Variants in NID2 observed in about 807,000 individuals in gnomAD.
The protein encoded by NID2 is nidogen 2.
Under a neutral mutation model 145.4 loss-of-function variants are expected in NID2, and 83 were observed. The observed-to-expected ratio is 0.57, with a 90% CI of 0.48 to 0.69. The LOEUF (loss-of-function observed/expected upper bound fraction) is 0.69. Ranked by LOEUF, NID2 falls within the 30% of genes least tolerant of loss-of-function variation. The pLI is 0.00. For missense variants in NID2, 1,807 were observed against 1,765.7 expected (o/e 1.02, Z -0.42); for synonymous variants, 739 against 701.3 (o/e 1.05, Z -0.85).
intron 5 of NID2, among the ~76,000 whole-genome samples, chr14:52,043,828 G>C (rs1195677478): frequency 6.6e-6 from 1 of 152,094 alleles, no homozygotes; most frequent in African/African-American, 2.4e-5. Flanking sequence ...TGCTTTCTCC[G>C]GGGCACTAGG....
intron 2 of NID2, among the ~76,000 whole-genome samples, chr14:52,062,006 G>A (rs899488135): frequency 3.3e-5 from 5 of 152,064 alleles, no homozygotes; most frequent in Non-Finnish European, 5.9e-5. Flanking sequence ...AGACAAACTC[G>A]GGCACAGAGA....
intron 8 of NID2, among the ~76,000 whole-genome samples, chr14:52,040,170 A>G (rs539798587): frequency 6.6e-6 from 1 of 151,456 alleles, no homozygotes; most frequent in East Asian, 1.9e-4. Flanking sequence ...TGAACTCCTG[A>G]CCTCAGGTGA....
intron 21 of NID2, 88 bp from the exon 22 acceptor site, chr14:52,005,584 A>G (rs1245980809): frequency 1.3e-6 from 2 of 1,508,984 alleles, no homozygotes; most frequent in South Asian, 1.2e-5. Context: ...TTTTGTGTAT[A>G]AACTAGGTAG....
At chr14:52,005,580 G>GTATAAACTAGGTAGATTTAAGGTAGTAAA in intron 21 of NID2, 84 bp from the exon 22 acceptor site, 1 of 1,510,028 alleles carries the variant, frequency 6.6e-7, no homozygotes, top group Non-Finnish European at 9.1e-7. Flanking sequence ...TGCATTTTGT[G>GTATAAACTAGGTAGATTTAAGGTAGTAAA]TATAAACTAG....
intron 20 of NID2, 87 bp downstream of exon 20, chr14:52,006,450 G>A (rs1890785851): frequency 2.0e-6 from 3 of 1,518,886 alleles, no homozygotes; most frequent in Non-Finnish European, 1.8e-6. Context: ...AATGAGTCAA[G>A]TCAGGTACTG....
chr14:52,028,082 A>G lies in NID2; in HGVS notation c.2530+640T>C, dbSNP rs1891655087. On this transcript the variant is annotated intron_variant, in intron 11 of 21. Transcript: ENST00000216286. ...AAATCCATCTCTTCTAATTTGAAAA[A>G]TACTTTAGGCTCTATCTAAAGAGCT... Among the ~76,000 whole-genome samples the G allele has an allele frequency of 2.0e-5, 3 of 152,190 alleles. No homozygotes were observed. The South Asian group carries it at 6.2e-4, about 32-fold the overall frequency.
At position 52,011,736 on chromosome 14, in the gene NID2, T is replaced by C. The variant is rs1891038743; in HGVS notation, c.3421-53A>G. The C allele has an allele frequency of 2.5e-6, 4 of 1,606,730 alleles. No individual in the cohort carries two copies. In the South Asian group the frequency reaches 4.4e-5, roughly 18 times the overall value. ...AGAATTAGGTTACATTTCCCCTTTG[T>C]TCACACTCAGCTGCCTTGCTCATGC... On this transcript the variant is annotated intron_variant, in intron 16 of 21. Coordinates refer to ENST00000216286, the MANE Select transcript of NID2 (RefSeq NM_007361.4).
intron 12 of NID2, among the ~76,000 whole-genome samples, chr14:52,026,511 G>A (rs1891592337): frequency 1.3e-5 from 2 of 152,314 alleles, no homozygotes; most frequent in East Asian, 1.9e-4. Flanking sequence ...CACAGGGTAT[G>A]TTTGGAAAAC....
At chr14:52,055,327 C>A (rs1892809475) in intron 3 of NID2, among the ~76,000 whole-genome samples, 1 of 152,168 alleles carries the variant, frequency 6.6e-6, no homozygotes, top group South Asian at 2.1e-4. Flanking sequence ...CATTACTCTA[C>A]AGAATATTAA....
intron 2 of NID2, among the ~76,000 whole-genome samples, chr14:52,061,664 A>G (rs1595057134): frequency 6.6e-6 from 1 of 152,302 alleles, no homozygotes; most frequent in Admixed American, 6.5e-5. Flanking sequence ...AGGGACCAGG[A>G]GCCTGAATCA....
At chr14:52,048,275 G>T (rs111682187) in intron 5 of NID2, among the ~76,000 whole-genome samples, 5 of 152,286 alleles carry the variant, frequency 3.3e-5, no homozygotes, top group Admixed American at 1.3e-4. Flanking sequence ...TAATACAGAC[G>T]CACAGCAGCC....
intron 11 of NID2, among the ~76,000 whole-genome samples, chr14:52,028,285 G>A (rs2357309): frequency 6.6e-6 from 1 of 151,460 alleles, no homozygotes; most frequent in Non-Finnish European, 1.5e-5. Context: ...TTTTTTTTTT[G>A]TTTTTTTGAG....
chr14:52,028,495 C>T (rs188627798), intron 11 of NID2: 8 of 372,572 alleles, frequency 2.1e-5, no homozygotes, highest in South Asian at 1.3e-4. Flanking sequence ...AGGCTGGTCT[C>T]GAACTTCTGA....
chr14:52,029,391 A>G (rs1276336613), intron 10 of NID2, among the ~76,000 whole-genome samples, 156 bp downstream of exon 10: 1 of 152,222 alleles, frequency 6.6e-6, no homozygotes, highest in Non-Finnish European at 1.5e-5. Flanking sequence ...CTATGCTTTA[A>G]TTTTTAAATA....
In NID2 at chr14:52,068,177, G is replaced by A. The variant is rs1595062260; in HGVS notation, c.229-14C>T. The A allele has an allele frequency of 1.2e-6, 2 of 1,610,994 alleles. No individual in the cohort carries two copies. Among genetic ancestry groups the A allele is most frequent in the Non-Finnish European group, 8.5e-7 (1 of 1,178,638 alleles). On this transcript the variant is annotated splice_polypyrimidine_tract_variant and intron_variant, in intron 1 of 21. Transcript: ENST00000216286. ...GTTGGTGCCCACCTGGGAGAGGAGAGGGACAAAAAGGTGACAGTCGCTCAA... is the reference window on the plus strand; with the variant it reads ...GTTGGTGCCCACCTGGGAGAGGAGAAGGACAAAAAGGTGACAGTCGCTCAA...
At chr14:52,055,587 C>T (rs573071572) in intron 3 of NID2, among the ~76,000 whole-genome samples, 1 of 152,188 alleles carries the variant, frequency 6.6e-6, no homozygotes, top group South Asian at 2.1e-4. Flanking sequence ...CCCAATAACC[C>T]ATTATTTTAG....
chr14:52,006,564 T>TCTG lies in NID2; in HGVS notation c.3974_3976dup (p.Ala1325dup). ...CCTCCAGTCTGTGTGGTAGAAGTGA[T>TCTG]CTGCATAGCTTACGATGCTGAAGGG... On this transcript the variant is annotated inframe_insertion, in exon 20 of 22. Transcript: ENST00000216286. The TCTG allele has an allele frequency of 6.2e-7, 1 of 1,613,816 alleles. No homozygotes were observed. The highest frequency in any genetic ancestry group is 1.3e-5 in the African/African-American group (1 of 75,024).
At chr14:52,048,533 G>A (rs546015567) in intron 5 of NID2, among the ~76,000 whole-genome samples, 9 of 152,170 alleles carry the variant, frequency 5.9e-5, no homozygotes, top group African/African-American at 2.2e-4. Context: ...TCTTTTCGGT[G>A]GTCATTTTCA....
At position 52,017,146 on chromosome 14, in the gene NID2, G is replaced by A. The variant is rs1891238394; in HGVS notation, c.3029-1871C>T. ...CCTGCTCCACATTCAGAACTCCAAG[G>A]ATCCATTTTTGCTTTAAGGGACCAC... On this transcript the variant is annotated intron_variant, in intron 14 of 21. Transcript: ENST00000216286. Among the ~76,000 whole-genome samples the A allele has an allele frequency of 2.0e-5, 3 of 152,106 alleles. No homozygotes were observed. In the South Asian group the frequency reaches 6.2e-4, roughly 32 times the overall value.
Sources: gnomAD v4.1 joint callset for allele counts (sites outside exome capture counted in the v4.1 genomes callset) on GRCh38, gnomAD v4.1.1 for gene constraint, MANE v1.5 for transcripts, NCBI Gene and HGNC (gene_info 2026-07-23, HGNC 2026-07-21) for gene names.